PCOLCE2: variants seen among roughly 807,000 people sequenced by gnomAD.
PCOLCE2 encodes the protein procollagen C-endopeptidase enhancer 2.
In PCOLCE2, 42 loss-of-function variants were observed where a neutral mutation model predicts 47.0. The observed-to-expected ratio is 0.89, with a 90% CI of 0.70 to 1.16. The LOEUF (loss-of-function observed/expected upper bound fraction) is 1.16, where lower values mean the gene tolerates loss of function less well. PCOLCE2 is among the 50% of genes most tolerant of loss of function. The probability of loss-of-function intolerance (pLI) is 0.00; values close to 1 mark genes in which losing one functional copy is unlikely to be tolerated. For synonymous variants in PCOLCE2, 169 were observed against 191.7 expected (o/e 0.88, Z 0.98); for missense variants, 500 against 526.1 (o/e 0.95, Z 0.49).
At chr3:142,831,468 A>G (rs1019979330) in intron 5 of PCOLCE2, among the ~76,000 whole-genome samples, 1 of 152,200 alleles carries the variant, frequency 6.6e-6, no homozygotes, top group Non-Finnish European at 1.5e-5. Context: ...CTTTTTCTTT[A>G]TAAATTACTC....
intron 3 of PCOLCE2, among the ~76,000 whole-genome samples, chr3:142,847,327 A>G (rs536533294): frequency 5.9e-5 from 9 of 152,318 alleles, no homozygotes; most frequent in Middle Eastern, 3.4e-3. Context: ...TTCCTCCCCA[A>G]CATTCTGGCT....
chr3:142,818,219 CT>C lies in PCOLCE2; in HGVS notation c.*115del. ...CATGTGAAGAGTCAACCAGTCCCATCTTTCGGAATCCTCTTTCAGAATATGT... is the reference window on the plus strand; with the variant it reads ...CATGTGAAGAGTCAACCAGTCCCATCTTCGGAATCCTCTTTCAGAATATGT... On this transcript the variant is annotated 3_prime_UTR_variant, in exon 9 of 9. Coordinates refer to ENST00000295992, the MANE Select transcript of PCOLCE2 (RefSeq NM_013363.4). The C allele has an allele frequency of 9.9e-7, 1 of 1,011,402 alleles. No homozygotes were observed. The highest frequency in any genetic ancestry group is 1.6e-5 in the South Asian group (1 of 63,300). 62.7% of individuals were successfully genotyped at this position (1,011,402 alleles called of 1,614,324 possible).
intron 2 of PCOLCE2, among the ~76,000 whole-genome samples, chr3:142,852,718 T>C (rs948292795): frequency 6.7e-6 from 1 of 148,558 alleles, no homozygotes; most frequent in Non-Finnish European, 1.5e-5. Context: ...TATACACACA[T>C]AAGTATTTAT....
At chr3:142,851,303 T>C (rs1428515755) in intron 2 of PCOLCE2, among the ~76,000 whole-genome samples, 1 of 152,144 alleles carries the variant, frequency 6.6e-6, no homozygotes, top group Non-Finnish European at 1.5e-5. Flanking sequence ...GTGGCGATAT[T>C]TGTTTTTGTT....
rs928971106 is a variant in PCOLCE2 at position 142,829,835 on chromosome 3, G to A, written c.722C>T (p.Ser241Phe). 6.3e-7 allele frequency: 1 copy of A among 1,576,666 alleles called. No individual in the cohort carries two copies. Among genetic ancestry groups the A allele is most frequent in the Non-Finnish European group, 8.6e-7 (1 of 1,157,552 alleles). ...CTGAATAAGAAGTTCATTTCTCTCA[G>A]ACACAATTGGCCTAAAAAAAGAAAA... ...CGDSPPAPIV[S>F]ERNELLIQFL... The change falls in exon 6 of 9, where the codon TCT becomes TTT. Residue 241 changes from serine (S) to phenylalanine (F), a missense_variant. Coordinates refer to ENST00000295992, the MANE Select transcript of PCOLCE2 (RefSeq NM_013363.4).
At chr3:142,820,843 C>T (rs367656027) in intron 8 of PCOLCE2, 35 bp downstream of exon 8, 2 of 1,566,520 alleles carry the variant, frequency 1.3e-6, no homozygotes, top group African/African-American at 1.3e-5. Flanking sequence ...AAATCCATGG[C>T]TTGCTCAGAG....
chr3:142,821,836 G>T (rs1937019318), intron 7 of PCOLCE2, among the ~76,000 whole-genome samples: 1 of 151,770 alleles, frequency 6.6e-6, no homozygotes, highest in South Asian at 2.1e-4. Flanking sequence ...TTTCTCACGG[G>T]GGTGCGCCTG....
intron 3 of PCOLCE2, among the ~76,000 whole-genome samples, chr3:142,847,525 G>C (rs984242027): frequency 1.3e-5 from 2 of 152,032 alleles, no homozygotes; most frequent in African/African-American, 2.4e-5. Flanking sequence ...TCATATATCT[G>C]TGTGTGTGTA....
intron 5 of PCOLCE2, among the ~76,000 whole-genome samples, chr3:142,838,426 T>C (rs993894161): frequency 1.3e-5 from 2 of 152,140 alleles, no homozygotes; most frequent in African/African-American, 4.8e-5. Context: ...TAAAAGCATG[T>C]GGCACCTCCC....
Position 142,827,511 on chromosome 3 carries a change from G to A in PCOLCE2, c.865+2181C>T, listed in dbSNP as rs531328095. ...CAGGACAGCTTGCTACGGCCTCCAG[G>A]CTTCTCCTCCAGGCAGCACACGATC... On this transcript the variant is annotated intron_variant, in intron 6 of 8. Coordinates refer to ENST00000295992, the MANE Select transcript of PCOLCE2 (RefSeq NM_013363.4). The A allele has an allele frequency of 6.4e-5, 96 of 1,491,878 alleles. 1 individual carries two copies. The South Asian group carries it at 9.1e-4, about 14-fold the overall frequency. 92.4% of individuals were successfully genotyped at this position (1,491,878 alleles called of 1,614,324 possible). A position where few individuals can be genotyped will look rare whatever the true frequency, so the allele number is the denominator to read the frequency against.
At chr3:142,846,322 C>T (rs568443336) in intron 3 of PCOLCE2, among the ~76,000 whole-genome samples, 3 of 152,174 alleles carry the variant, frequency 2.0e-5, no homozygotes, top group African/African-American at 7.2e-5. Context: ...CTCGGCCTCC[C>T]GAGTAGCTGG....
chr3:142,860,194 G>A (rs959128009), intron 2 of PCOLCE2, among the ~76,000 whole-genome samples: 20 of 152,106 alleles, frequency 1.3e-4, no homozygotes, highest in South Asian at 4.1e-4. Context: ...GACAGTTTGC[G>A]TGAAATTTAT....
intron 4 of PCOLCE2, among the ~76,000 whole-genome samples, chr3:142,840,749 T>C (rs1276483216): frequency 6.6e-6 from 1 of 152,158 alleles, no homozygotes; most frequent in African/African-American, 2.4e-5. Flanking sequence ...TTCCAGGTTA[T>C]TAAAAAAATT....
Position 142,820,914 on chromosome 3 carries a change from T to TC in PCOLCE2, c.1080dup (p.Thr361AspfsTer24). 6.2e-7 allele frequency: 1 copy of TC among 1,613,966 alleles called. No individual in the cohort carries two copies. Among genetic ancestry groups the TC allele is most frequent in the Non-Finnish European group, 8.5e-7 (1 of 1,179,864 alleles). On this transcript the variant is annotated frameshift_variant, in exon 8 of 9. Transcript: ENST00000295992. LOFTEE classifies it high-confidence loss of function. The stretch of plus-strand genomic sequence containing the variant: ...AGAGGGCACTGCTTGCAGACGACAG[T>TC]CAGCCTGGCACTCATGTTCTTGCCC...
At chr3:142,859,723 A>AGTGTG (rs1161103572) in intron 2 of PCOLCE2, among the ~76,000 whole-genome samples, 4 of 151,938 alleles carry the variant, frequency 2.6e-5, no homozygotes, top group African/African-American at 9.7e-5. Flanking sequence ...ACGCCACCAC[A>AGTGTG]CCTGGCTAAT....
At chr3:142,846,841 G>C (rs1313698280) in intron 3 of PCOLCE2, 1 of 152,040 alleles carries the variant, frequency 6.6e-6, no homozygotes, top group South Asian at 2.1e-4. Flanking sequence ...TCTCTTCTGA[G>C]ATTCTCAATT....
At chr3:142,888,424 TG>T (rs1560144493) in intron 1 of PCOLCE2, among the ~76,000 whole-genome samples, 1 of 152,126 alleles carries the variant, frequency 6.6e-6, no homozygotes, top group Non-Finnish European at 1.5e-5. Context: ...TTTACGTCTC[TG>T]GGCAAAGCCT....
intron 6 of PCOLCE2, among the ~76,000 whole-genome samples, chr3:142,826,631 G>C (rs980765141): frequency 2.0e-5 from 3 of 152,138 alleles, no homozygotes; most frequent in African/African-American, 4.8e-5. Flanking sequence ...ATGAGCTACT[G>C]AACTTATTAT....
chr3:142,839,696 A>G (rs1160865671), intron 4 of PCOLCE2, among the ~76,000 whole-genome samples: 1 of 152,236 alleles, frequency 6.6e-6, no homozygotes, highest in Non-Finnish European at 1.5e-5. Context: ...AATTACTTTG[A>G]TTGTGGTAAT....
Sources: gnomAD v4.1 joint callset for allele counts (sites outside exome capture counted in the v4.1 genomes callset) on GRCh38, gnomAD v4.1.1 for gene constraint, MANE v1.5 for transcripts, NCBI Gene and HGNC (gene_info 2026-07-23, HGNC 2026-07-21) for gene names.